The following TMC7 variants were observed in gnomAD, a reference collection of about 807,000 sequenced individuals.
TMC7 encodes the protein transmembrane channel like 7, also known as transmembrane channel-like protein 7.
In TMC7, 54 loss-of-function variants were observed where a neutral mutation model predicts 82.9. The ratio of observed to expected loss-of-function variants is 0.65; its 90% CI spans 0.52 to 0.82. The LOEUF (loss-of-function observed/expected upper bound fraction) is 0.82. TMC7 is among the 40% of genes least tolerant of loss of function. The pLI, the probability that TMC7 is intolerant of heterozygous loss-of-function variation, is 0.00. For synonymous variants in TMC7, 350 were observed against 337.9 expected, an observed-to-expected ratio of 1.04 and a Z score of -0.39; for missense variants, 820 against 901.2, an observed-to-expected ratio of 0.91 and a Z score of 1.15.
At chr16:18,999,813 G>A (rs1027860918) in intron 1 of TMC7, among the ~76,000 whole-genome samples, 23 of 152,080 alleles carry the variant, frequency 1.5e-4, no homozygotes, top group Non-Finnish European at 3.1e-4. Context: ...GCCCAGGCTG[G>A]AGTGCAGTGG....
chr16:18,985,698 GTTTTTTT>G (rs56873601), intron 1 of TMC7, among the ~76,000 whole-genome samples: 1 of 132,796 alleles, frequency 7.5e-6, no homozygotes, highest in Admixed American at 7.7e-5. Context: ...AGATAGATGA[GTTTTTTT>G]TTTTTTTTTT....
In TMC7 at chr16:19,047,195, C is replaced by T. The variant is rs142779900; in HGVS notation, c.1686C>T (p.Pro562=). The T allele has an allele frequency of 9.4e-5, 151 of 1,613,774 alleles. 1 individual carries two copies. Among genetic ancestry groups the T allele is most frequent in the Non-Finnish European group, 1.2e-4 (144 of 1,180,012 alleles). The change falls in exon 12 of 16, where the codon CCC becomes CCT. Residue 562 remains proline, a synonymous_variant. Coordinates refer to ENST00000304381, the MANE Select transcript of TMC7 (RefSeq NM_024847.4). ...GCTGGATCGGAGCCTTTTTCTCACC[C>T]CTTCTCCCTGCAATTGCAACCCTGA... ...TICWIGAFFS[P]LLPAIATLKF... is the part of the protein sequence containing the mutation.
At chr16:19,039,321 C>T (rs573520103) in intron 8 of TMC7, among the ~76,000 whole-genome samples, 111 of 151,972 alleles carry the variant, frequency 7.3e-4, no homozygotes, top group Non-Finnish European at 1.5e-3. Context: ...GAACTTCTGA[C>T]CTCAAGTGAT....
chr16:19,025,366 C>T (rs1445442366), intron 5 of TMC7, among the ~76,000 whole-genome samples: 2 of 152,060 alleles, frequency 1.3e-5, no homozygotes, highest in Non-Finnish European at 2.9e-5. Context: ...GCCTGTAACC[C>T]CAGCACTTCA....
intron 1 of TMC7, among the ~76,000 whole-genome samples, chr16:19,007,781 C>CTTT (rs796593328): frequency 7.0e-6 from 1 of 143,618 alleles, no homozygotes; most frequent in African/African-American, 2.5e-5. Context: ...CCACTCTGTT[C>CTTT]TTTTTTTTTT....
chr16:19,059,020 G>A (rs1393609627), intron 14 of TMC7, among the ~76,000 whole-genome samples: 3 of 152,112 alleles, frequency 2.0e-5, no homozygotes, highest in Admixed American at 6.6e-5. Context: ...TGGGATTATA[G>A]GCGTCCACCA....
intron 1 of TMC7, among the ~76,000 whole-genome samples, chr16:18,999,735 C>A (rs967182500): frequency 2.6e-5 from 4 of 151,414 alleles, no homozygotes; most frequent in African/African-American, 9.7e-5. Flanking sequence ...ATAGCAGCTT[C>A]AACTAGAGTC....
At chr16:19,031,640 C>A (rs1032754942) in intron 6 of TMC7, among the ~76,000 whole-genome samples, 1 of 152,130 alleles carries the variant, frequency 6.6e-6, no homozygotes, top group African/African-American at 2.4e-5. Context: ...CACTGCACTC[C>A]AGCCTGGGCG....
At chr16:19,054,775 C>T (rs889696225) in intron 13 of TMC7, among the ~76,000 whole-genome samples, 1 of 123,532 alleles carries the variant, frequency 8.1e-6, no homozygotes, top group Admixed American at 9.4e-5. Context: ...GAGGGAGTCT[C>T]ACTCTGTCAC....
At chr16:18,984,204 G>C in intron 1 of TMC7, 74 bp downstream of exon 1, 1 of 1,404,042 alleles carries the variant, frequency 7.1e-7, no homozygotes, top group Non-Finnish European at 9.2e-7. Context: ...CCGGGTGCTG[G>C]AGGCTCGGCC....
intron 3 of TMC7, among the ~76,000 whole-genome samples, chr16:19,017,973 A>G (rs1392555192): frequency 6.6e-6 from 1 of 152,182 alleles, no homozygotes; most frequent in Non-Finnish European, 1.5e-5. Context: ...CCTGGCTCCA[A>G]AAAAAGCTTT....
chr16:19,018,558 G>A (rs1158516918), intron 3 of TMC7, among the ~76,000 whole-genome samples: 3 of 152,072 alleles, frequency 2.0e-5, no homozygotes, highest in Non-Finnish European at 4.4e-5. Flanking sequence ...CCATGACACT[G>A]GGTGTTAGGG....
At chr16:19,051,882 G>A in intron 13 of TMC7, 66 bp downstream of exon 13, 2 of 1,588,870 alleles carry the variant, frequency 1.3e-6, no homozygotes, top group Non-Finnish European at 1.7e-6. Context: ...TTATGTAAAA[G>A]CGTCCGTCAT....
At chr16:19,051,499 G>C (rs944766597) in intron 12 of TMC7, among the ~76,000 whole-genome samples, 187 bp from the exon 13 acceptor site, 1 of 150,274 alleles carries the variant, frequency 6.7e-6, no homozygotes, top group African/African-American at 2.5e-5. Context: ...GAGAACATGC[G>C]GTGTTTGGTT....
In TMC7 at chr16:19,044,874, C is replaced by G. The variant is rs777050474; in HGVS notation, c.1338-10C>G. The G allele has an allele frequency of 1.9e-6, 3 of 1,603,936 alleles. No homozygotes were observed. Among genetic ancestry groups the G allele is most frequent in the South Asian group, 1.1e-5 (1 of 90,904 alleles). On this transcript the variant is annotated splice_polypyrimidine_tract_variant and intron_variant, in intron 9 of 15. Coordinates refer to ENST00000304381, the MANE Select transcript of TMC7 (RefSeq NM_024847.4). ...TCATCTTCCCATCCTCTCTCCTTCT[C>G]TCCCCGAAGGTGTGTCTTTATGCGG... is the stretch of plus-strand genomic sequence containing the variant.
chr16:19,061,438 C>A (rs576778520), intron 15 of TMC7, among the ~76,000 whole-genome samples: 1 of 152,212 alleles, frequency 6.6e-6, no homozygotes, highest in African/African-American at 2.4e-5. Context: ...TGTGAGCCAC[C>A]TCACCCGGCC....
chr16:18,991,044 GA>G (rs1374831280), intron 1 of TMC7, among the ~76,000 whole-genome samples: 1 of 152,150 alleles, frequency 6.6e-6, no homozygotes, highest in African/African-American at 2.4e-5. Flanking sequence ...TCTGGGCAGT[GA>G]AAATTTTTGG....
At chr16:19,048,548 A>C (rs913405503) in intron 12 of TMC7, among the ~76,000 whole-genome samples, 14 of 151,938 alleles carry the variant, frequency 9.2e-5, no homozygotes, top group Non-Finnish European at 1.9e-4. Flanking sequence ...CAGCCTCCTG[A>C]GTAGCTGGGA....
At chr16:19,004,081 C>A (rs1214647473) in intron 1 of TMC7, among the ~76,000 whole-genome samples, 1 of 151,566 alleles carries the variant, frequency 6.6e-6, no homozygotes, top group South Asian at 2.1e-4. Context: ...GTGAAGCCCT[C>A]TGTGCTTACC....
Sources: allele counts gnomAD v4.1 joint callset (sites outside exome capture counted in the v4.1 genomes callset), GRCh38; gene constraint gnomAD v4.1.1; transcripts MANE v1.5; gene names NCBI Gene and HGNC (gene_info 2026-07-23, HGNC 2026-07-21).